The following SAMD4A variants were observed in gnomAD, a reference collection of about 807,000 sequenced individuals.
The protein encoded by SAMD4A is protein Smaug homolog 1.
A neutral mutation model predicts 81.3 loss-of-function variants in SAMD4A; 33 were observed. The ratio of observed to expected loss-of-function variants is 0.41; its 90% CI spans 0.31 to 0.54. The LOEUF (loss-of-function observed/expected upper bound fraction) is 0.54. Ranked by LOEUF, SAMD4A falls within the 20% of genes least tolerant of loss-of-function variation. The pLI is 0.37. For synonymous variants in SAMD4A, 389 were observed against 382.1 expected (o/e 1.02, Z -0.21); for missense variants, 854 against 951.1 (o/e 0.90, Z 1.34).
intron 2 of SAMD4A, among the ~76,000 whole-genome samples, chr14:54,621,696 T>C (rs1264780216): frequency 6.6e-6 from 1 of 152,168 alleles, no homozygotes; most frequent in East Asian, 1.9e-4. Flanking sequence ...AGCATTCCCA[T>C]ATTCTAGACC....
At chr14:54,705,544 T>C (rs1184731722) in intron 3 of SAMD4A, among the ~76,000 whole-genome samples, 2 of 151,344 alleles carry the variant, frequency 1.3e-5, no homozygotes, top group Non-Finnish European at 2.9e-5. Context: ...GAATAAAAGG[T>C]AACCAGAAGG....
intron 2 of SAMD4A, among the ~76,000 whole-genome samples, chr14:54,691,276 C>A (rs1361311498): frequency 6.6e-6 from 1 of 152,138 alleles, no homozygotes; most frequent in African/African-American, 2.4e-5. Context: ...GAGACATTAT[C>A]CCTATGAGCT....
rs1315877320 is a variant in SAMD4A, at chr14:54,789,692, T to A, written c.*748T>A. 1 of 152,100 alleles carries A rather than the reference T, an allele frequency of 6.6e-6. No homozygotes were observed. The highest frequency in any genetic ancestry group is 1.5e-5 in the Non-Finnish European group (1 of 68,040). 9.4% of individuals were successfully genotyped at this position (152,100 alleles called of 1,614,324 possible). A position where few individuals can be genotyped will look rare whatever the true frequency, so the allele number is the denominator to read the frequency against. On this transcript the variant is annotated 3_prime_UTR_variant, in exon 13 of 13. Coordinates refer to ENST00000554335, the MANE Select transcript of SAMD4A (RefSeq NM_015589.6). ...CTCTATTTTTATAAGAGCAGCAGAG[T>A]TGTCTTCTCAAAACGGCTGCCAAGC...
chr14:54,748,379 CA>C (rs2140966905), intron 4 of SAMD4A, among the ~76,000 whole-genome samples: 1 of 152,338 alleles, frequency 6.6e-6, no homozygotes, highest in South Asian at 2.1e-4. Flanking sequence ...GTAGCTCTAA[CA>C]TTCGAAGCCA....
At chr14:54,636,731 G>C (rs896481764) in intron 2 of SAMD4A, among the ~76,000 whole-genome samples, 3 of 152,126 alleles carry the variant, frequency 2.0e-5, no homozygotes, top group Admixed American at 1.3e-4. Context: ...AAAGAGAGGA[G>C]TCAGGAATTA....
intron 2 of SAMD4A, among the ~76,000 whole-genome samples, chr14:54,588,362 T>TG (rs1229725496): frequency 6.6e-6 from 1 of 151,454 alleles, no homozygotes; most frequent in Non-Finnish European, 1.5e-5. Context: ...GTATTTTTTT[T>TG]TTGTTGTTGT....
In SAMD4A at chr14:54,786,539, G is replaced by A. The variant is rs534584810; in HGVS notation, c.2128+1919G>A. ...GAGTGAGTCCCCTGAGCTGGCACCT[G>A]CCAGAGCTCTGACATGGGGAGGGAA... is the stretch of plus-strand genomic sequence containing the variant. On this transcript the variant is annotated intron_variant, in intron 12 of 12. Transcript: ENST00000554335. 2.6e-5 allele frequency among the ~76,000 whole-genome samples: 4 copies of A among 152,348 alleles called. No individual in the cohort carries two copies. The East Asian group carries it at 5.8e-4, about 22-fold the overall frequency.
chr14:54,586,147 C>G (rs112595337), intron 2 of SAMD4A, among the ~76,000 whole-genome samples: 1 of 152,006 alleles, frequency 6.6e-6, no homozygotes, highest in African/African-American at 2.4e-5. Flanking sequence ...GAGATGGTAT[C>G]GCATTGTGGT....
At chr14:54,727,166 C>CCTTTTTTTTTTTTTT (rs2037437656) in intron 3 of SAMD4A, among the ~76,000 whole-genome samples, 1 of 59,146 alleles carries the variant, frequency 1.7e-5, no homozygotes, top group Non-Finnish European at 3.4e-5. Flanking sequence ...TCTTTTTTTC[C>CCTTTTTTTTTTTTTT]TTTTTTTTTT....
chr14:54,699,121 A>ACCCCTTTTGCTTCTTGG (rs1449332484), intron 2 of SAMD4A, among the ~76,000 whole-genome samples: 1 of 152,006 alleles, frequency 6.6e-6, no homozygotes, highest in Non-Finnish European at 1.5e-5. Context: ...TTACAGCATA[A>ACCCCTTTTGCTTCTTGG]CCCCTTTTGC....
At chr14:54,785,633 C>T (rs12891817) in intron 12 of SAMD4A, among the ~76,000 whole-genome samples, 5,797 of 152,330 alleles carry the variant, frequency 0.038, 201 homozygotes, top group African/African-American at 0.088. Flanking sequence ...CCAAGACGTG[C>T]GCCACCTGGC....
intron 2 of SAMD4A, among the ~76,000 whole-genome samples, chr14:54,699,296 A>C (rs1175279674): frequency 6.6e-6 from 1 of 152,194 alleles, no homozygotes; most frequent in Non-Finnish European, 1.5e-5. Flanking sequence ...CGCTACTTTA[A>C]AAGGGAGGCT....
intron 12 of SAMD4A, among the ~76,000 whole-genome samples, chr14:54,785,531 A>C (rs2039117319): frequency 6.6e-6 from 1 of 152,070 alleles, no homozygotes; most frequent in African/African-American, 2.4e-5. Flanking sequence ...TCCAGTCTAC[A>C]CTTGCTCTTA....
chr14:54,776,147 A>AAAGAGTTCTGCAGATAGG (rs2038841102), intron 10 of SAMD4A, among the ~76,000 whole-genome samples: 1 of 152,212 alleles, frequency 6.6e-6, no homozygotes, highest in Non-Finnish European at 1.5e-5. Flanking sequence ...AATGCGATAA[A>AAAGAGTTCTGCAGATAGG]AAGAGTTCTG....
intron 2 of SAMD4A, among the ~76,000 whole-genome samples, chr14:54,607,851 A>G (rs528975167): frequency 5.7e-4 from 86 of 152,006 alleles, no homozygotes; most frequent in African/African-American, 2.0e-3. Flanking sequence ...CCCCATCTCT[A>G]CTAAAAATAG....
intron 3 of SAMD4A, among the ~76,000 whole-genome samples, chr14:54,705,669 G>A (rs552332455): frequency 2.0e-5 from 3 of 152,110 alleles, no homozygotes; most frequent in African/African-American, 4.8e-5. Context: ...CTTAGCATTC[G>A]TGGCTTCCTC....
intron 2 of SAMD4A, among the ~76,000 whole-genome samples, chr14:54,684,613 C>T (rs1312981611): frequency 2.1e-5 from 1 of 46,640 alleles, no homozygotes; most frequent in African/African-American, 5.4e-5. Flanking sequence ...GACACCCCCG[C>T]CCCCCCCCCC....
chr14:54,718,741 C>T (rs1421023681), intron 3 of SAMD4A, among the ~76,000 whole-genome samples: 4 of 151,864 alleles, frequency 2.6e-5, no homozygotes, highest in Non-Finnish European at 4.4e-5. Flanking sequence ...CAGTAGCTTA[C>T]GCCTGTAATC....
At chr14:54,767,190 G>T (rs1196074012) in intron 8 of SAMD4A, among the ~76,000 whole-genome samples, 1 of 152,228 alleles carries the variant, frequency 6.6e-6, no homozygotes, top group Non-Finnish European at 1.5e-5. Flanking sequence ...GTTATTCTGT[G>T]TGGGTAGAAC....
Sources: gnomAD v4.1 joint callset for allele counts (sites outside exome capture counted in the v4.1 genomes callset) on GRCh38, gnomAD v4.1.1 for gene constraint, MANE v1.5 for transcripts, NCBI Gene and HGNC (gene_info 2026-07-23, HGNC 2026-07-21) for gene names.